The following UNC50 variants were observed in gnomAD, a reference collection of about 807,000 sequenced individuals.
UNC50 encodes the protein protein unc-50 homolog.
UNC50 carries 24 observed loss-of-function variants against 31.5 expected under a neutral mutation model. The observed-to-expected ratio is 0.76, with a 90% CI of 0.55 to 1.07. The LOEUF (loss-of-function observed/expected upper bound fraction) is 1.07, where lower values mean the gene tolerates loss of function less well. UNC50 is among the 50% of genes least tolerant of loss of function. The pLI, the probability that UNC50 is intolerant of heterozygous loss-of-function variation, is 0.00. For missense variants in UNC50, 245 were observed against 304.2 expected, an observed-to-expected ratio of 0.81 and a Z score of 1.45; for synonymous variants, 118 against 114.7, an observed-to-expected ratio of 1.03 and a Z score of -0.18.
intron 3 of UNC50, among the ~76,000 whole-genome samples, chr2:98,612,002 C>T (rs922434984): frequency 7.1e-5 from 10 of 141,702 alleles, no homozygotes; most frequent in Admixed American, 1.4e-4. Flanking sequence ...CACACACACA[C>T]GGGCTTTATC....
intron 1 of UNC50, 44 bp from the exon 2 acceptor site, chr2:98,609,712 T>C: frequency 6.2e-7 from 1 of 1,610,268 alleles, no homozygotes; most frequent in South Asian, 1.1e-5. Flanking sequence ...TAGCCAAATG[T>C]TTCTTCAGAA....
rs151065368 is a variant in UNC50, at chr2:98,614,342, T to A, written c.402-1865T>A. On this transcript the variant is annotated intron_variant, in intron 3 of 5. Coordinates refer to ENST00000357765, the MANE Select transcript of UNC50 (RefSeq NM_014044.7). Reference sequence around the variant, plus strand: ...ATGAGGGGGGATCAGGAAGAGGGAGTGGGTGGGAGGCTCCTTTGGGATGAC... The same window carrying A: ...ATGAGGGGGGATCAGGAAGAGGGAGAGGGTGGGAGGCTCCTTTGGGATGAC... 3.6e-3 allele frequency among the ~76,000 whole-genome samples: 541 copies of A among 151,248 alleles called. 3 individuals carry two copies. The highest frequency in any genetic ancestry group is 0.013 in the African/African-American group (519 of 41,128).
chr2:98,618,124 T>TA, intron 5 of UNC50, 44 bp from the exon 6 acceptor site: 1 of 743,848 alleles, frequency 1.3e-6, no homozygotes, highest in South Asian at 2.7e-5. Context: ...TAGTCATTTA[T>TA]TTTTTTTTTT....
chr2:98,610,467 T>C (rs1411817814), intron 2 of UNC50, among the ~76,000 whole-genome samples: 1 of 152,178 alleles, frequency 6.6e-6, no homozygotes, highest in African/African-American at 2.4e-5. Flanking sequence ...TTGAAGTGGG[T>C]AAGATATTGA....
Position 98,610,912 on chromosome 2 carries a change from T to C in UNC50, c.401+17T>C, listed in dbSNP as rs1700817020. 13 of 1,610,212 alleles carry C rather than the reference T, an allele frequency of 8.1e-6. No individual in the cohort carries two copies. The highest frequency in any genetic ancestry group is 1.1e-5 in the Non-Finnish European group (13 of 1,178,566). ...TTTAATGTGGTAAGTACCATAACTT[T>C]GGTTTTTCAGATACTGCTGTAGCAT... On this transcript the variant is annotated intron_variant, in intron 3 of 5. Transcript: ENST00000357765.
chr2:98,608,792 A>G, intron 1 of UNC50, 66 bp downstream of exon 1: 1 of 294,784 alleles, frequency 3.4e-6, no homozygotes, highest in Non-Finnish European at 6.5e-6. Context: ...TTTAATCCCG[A>G]CAGCTTGCGG....
chr2:98,612,609 C>A (rs766151952), intron 3 of UNC50, among the ~76,000 whole-genome samples: 1 of 152,140 alleles, frequency 6.6e-6, no homozygotes, highest in Non-Finnish European at 1.5e-5. Context: ...AGGGTTTTGC[C>A]ATTTGGCCAG....
intron 5 of UNC50, 150 bp downstream of exon 5, chr2:98,616,683 TACAC>T: frequency 4.6e-6 from 3 of 658,022 alleles, no homozygotes; most frequent in Non-Finnish European, 7.6e-6. Flanking sequence ...TCATGACAAT[TACAC>T]AGGTTTGTTT....
chr2:98,616,659 A>G (rs1484224250), intron 5 of UNC50, 126 bp downstream of exon 5: 3 of 679,334 alleles, frequency 4.4e-6, no homozygotes, highest in African/African-American at 3.6e-5. Context: ...TATGTGCATT[A>G]TCTCATTTAA....
chr2:98,615,058 A>C (rs1057133934), intron 3 of UNC50, among the ~76,000 whole-genome samples: 6 of 152,360 alleles, frequency 3.9e-5, no homozygotes, highest in Admixed American at 2.6e-4. Context: ...ATTGAACTGA[A>C]AAACTAGTAG....
At chr2:98,617,554 T>TAA (rs1700948932) in intron 5 of UNC50, among the ~76,000 whole-genome samples, 3 of 142,312 alleles carry the variant, frequency 2.1e-5, no homozygotes, top group East Asian at 2.1e-4. Context: ...TCAGTTTGTT[T>TAA]AAGAACTTCC....
intron 3 of UNC50, among the ~76,000 whole-genome samples, chr2:98,614,892 A>G (rs867003529): frequency 1.3e-5 from 2 of 152,356 alleles, no homozygotes; most frequent in Non-Finnish European, 1.5e-5. Flanking sequence ...TTTTATCCCC[A>G]GTGACGGAAT....
In UNC50 at chr2:98,608,636, G is replaced by C. The variant is rs980889948; in HGVS notation, c.-95G>C. The stretch of plus-strand genomic sequence containing the variant: ...CCAAGGGCCGGCTCCGTTGAGGGAA[G>C]GGAAGCCCGCCCGGTGGCGGCTGGG... On this transcript the variant is annotated 5_prime_UTR_variant, in exon 1 of 6. Coordinates refer to ENST00000357765, the MANE Select transcript of UNC50 (RefSeq NM_014044.7). 1.6e-5 allele frequency: 9 copies of C among 576,470 alleles called. No individual in the cohort carries two copies. The highest frequency in any genetic ancestry group is 7.7e-5 in the African/African-American group (4 of 52,032). The allele number at this position is 576,470 out of a possible 1,614,324, so 35.7% of individuals were successfully genotyped here.
chr2:98,610,938 C>T, intron 3 of UNC50, 43 bp downstream of exon 3: 2 of 1,585,600 alleles, frequency 1.3e-6, no homozygotes, highest in Non-Finnish European at 1.7e-6. Context: ...GCTGTAGCAT[C>T]TCCATTTGTT....
At chr2:98,615,434 C>T (rs1700905052) in intron 3 of UNC50, among the ~76,000 whole-genome samples, 1 of 152,208 alleles carries the variant, frequency 6.6e-6, no homozygotes, top group Non-Finnish European at 1.5e-5. Flanking sequence ...CCACAGCCAG[C>T]CCCACCTCAA....
At chr2:98,615,124 G>A (rs1001531752) in intron 3 of UNC50, among the ~76,000 whole-genome samples, 7 of 152,174 alleles carry the variant, frequency 4.6e-5, no homozygotes, top group East Asian at 1.9e-4. Flanking sequence ...GGCTGGATGC[G>A]TCACTCTTCC....
chr2:98,614,432 C>T (rs547486555), intron 3 of UNC50, among the ~76,000 whole-genome samples: 32 of 152,212 alleles, frequency 2.1e-4, no homozygotes, highest in African/African-American at 7.5e-4. Context: ...CCTTGCTGGC[C>T]TGTTGAGTTC....
At chr2:98,615,711 C>G (rs1002355503) in intron 3 of UNC50, among the ~76,000 whole-genome samples, 1 of 152,164 alleles carries the variant, frequency 6.6e-6, no homozygotes. Flanking sequence ...GCATTTAAGT[C>G]AAATACTTTT....
At chr2:98,614,131 G>T (rs562771354) in intron 3 of UNC50, among the ~76,000 whole-genome samples, 1 of 152,330 alleles carries the variant, frequency 6.6e-6, no homozygotes, top group South Asian at 2.1e-4. Context: ...TTTAAAGTAA[G>T]GAAATAATGT....
Sources: gnomAD v4.1 joint callset for allele counts (sites outside exome capture counted in the v4.1 genomes callset) on GRCh38, gnomAD v4.1.1 for gene constraint, MANE v1.5 for transcripts, NCBI Gene and HGNC (gene_info 2026-07-23, HGNC 2026-07-21) for gene names.